Variants in SNX4 observed in about 807,000 individuals in gnomAD.
The protein encoded by SNX4 is sorting nexin-4.
In SNX4, 49 loss-of-function variants were observed where a neutral mutation model predicts 70.8. That is an observed-to-expected ratio of 0.69 (90% CI 0.55 to 0.88). The LOEUF is 0.88. SNX4 is among the 40% of genes least tolerant of loss of function. The pLI is 0.00. For missense variants in SNX4, 528 were observed against 544.8 expected (o/e 0.97, Z 0.31); for synonymous variants, 206 against 183.8 (o/e 1.12, Z -0.98).
At chr3:125,492,524 C>G (rs1245030353) in intron 5 of SNX4, among the ~76,000 whole-genome samples, 1 of 152,084 alleles carries the variant, frequency 6.6e-6, no homozygotes, top group African/African-American at 2.4e-5. Context: ...AAAGGGGTCC[C>G]ATTTGGATAA....
At chr3:125,485,485 A>G (rs1053705842) in intron 6 of SNX4, among the ~76,000 whole-genome samples, 1 of 151,906 alleles carries the variant, frequency 6.6e-6, no homozygotes, top group Non-Finnish European at 1.5e-5. Context: ...TTTGGTAGAG[A>G]CAGGGTTTCA....
intron 6 of SNX4, among the ~76,000 whole-genome samples, chr3:125,483,809 A>G (rs1197331218): frequency 1.3e-5 from 2 of 152,254 alleles, no homozygotes; most frequent in African/African-American, 4.8e-5. Flanking sequence ...CAAGTCTTAG[A>G]TAACAATGTA....
At chr3:125,489,097 T>G (rs1934596924) in intron 6 of SNX4, among the ~76,000 whole-genome samples, 1 of 152,208 alleles carries the variant, frequency 6.6e-6, no homozygotes, top group Non-Finnish European at 1.5e-5. Flanking sequence ...TGTGCATATT[T>G]AACAAGCAAA....
intron 9 of SNX4, 31 bp from the exon 10 acceptor site, chr3:125,460,891 A>AAAT (rs1553725251): frequency 2.0e-5 from 22 of 1,119,160 alleles, no homozygotes; most frequent in Non-Finnish European, 2.7e-5. Context: ...CACATTGCAT[A>AAAT]GAGTTACTTT....
chr3:125,519,963 A>ACCCCC, intron 1 of SNX4, 69 bp downstream of exon 1: 4 of 671,490 alleles, frequency 6.0e-6, no homozygotes, highest in Non-Finnish European at 6.4e-6. Context: ...AGCCCAGCCC[A>ACCCCC]GCCCAGCCCA....
rs1360004552 is a variant in SNX4 at position 125,496,051 on chromosome 3, A to G, written c.597+1290T>C. The stretch of plus-strand genomic sequence containing the variant: ...GGCACAGTAAAACTAGCACTTCGGG[A>G]GGCTGAGGAGAGAGAATCGATTGAG... On this transcript the variant is annotated intron_variant, in intron 5 of 13. Coordinates refer to ENST00000251775, the MANE Select transcript of SNX4 (RefSeq NM_003794.4). 2.0e-5 allele frequency among the ~76,000 whole-genome samples: 3 copies of G among 152,178 alleles called. No homozygotes were observed. The East Asian group carries it at 5.8e-4, about 29-fold the overall frequency.
chr3:125,487,592 C>CTT (rs971556185), intron 6 of SNX4, among the ~76,000 whole-genome samples: 1 of 152,040 alleles, frequency 6.6e-6, no homozygotes, highest in Non-Finnish European at 1.5e-5. Flanking sequence ...TTTTCCAGAG[C>CTT]TTTTTTTGAG....
chr3:125,450,239 T>A (rs958007125), intron 13 of SNX4, among the ~76,000 whole-genome samples: 1 of 152,152 alleles, frequency 6.6e-6, no homozygotes, highest in Non-Finnish European at 1.5e-5. Context: ...ACAGTCACGA[T>A]CTAAACTTGT....
At chr3:125,474,732 T>C (rs1934253072) in intron 8 of SNX4, among the ~76,000 whole-genome samples, 1 of 152,246 alleles carries the variant, frequency 6.6e-6, no homozygotes, top group South Asian at 2.1e-4. Flanking sequence ...CTTTAAAGTT[T>C]GATTCAACCA....
chr3:125,472,971 C>A (rs1934211944), intron 8 of SNX4, among the ~76,000 whole-genome samples: 1 of 151,770 alleles, frequency 6.6e-6, no homozygotes, highest in Admixed American at 6.6e-5. Flanking sequence ...AGTCTTATTA[C>A]CCTTCAAAAA....
At chr3:125,463,896 T>C (rs1478217473) in intron 9 of SNX4, among the ~76,000 whole-genome samples, 1 of 151,900 alleles carries the variant, frequency 6.6e-6, no homozygotes. Flanking sequence ...CTTCACTGTC[T>C]TAATAGTGTC....
intron 1 of SNX4, among the ~76,000 whole-genome samples, chr3:125,516,817 G>C (rs1490791941): frequency 1.3e-5 from 2 of 152,106 alleles, no homozygotes; most frequent in African/African-American, 4.8e-5. Flanking sequence ...CTCCAGCTGG[G>C]GCCAAAGAGC....
chr3:125,517,145 G>C (rs1470190184), intron 1 of SNX4: 1 of 151,780 alleles, frequency 6.6e-6, no homozygotes, highest in Non-Finnish European at 1.5e-5. Context: ...TTGAAACAAT[G>C]TACAAGACTA....
chr3:125,516,740 C>T (rs1305928356), intron 1 of SNX4, among the ~76,000 whole-genome samples: 2 of 152,142 alleles, frequency 1.3e-5, no homozygotes, highest in Non-Finnish European at 2.9e-5. Context: ...ACTCGGGAGG[C>T]TGAGGCACAA....
At chr3:125,490,463 G>C (rs543161894) in intron 5 of SNX4, among the ~76,000 whole-genome samples, 279 of 147,234 alleles carry the variant, frequency 1.9e-3, no homozygotes, top group Non-Finnish European at 3.4e-3. Context: ...GGCGGAGCTT[G>C]CAGTGAGCCG....
chr3:125,517,474 CTGAG>C (rs768921094), intron 1 of SNX4, among the ~76,000 whole-genome samples: 7 of 152,214 alleles, frequency 4.6e-5, no homozygotes, highest in Non-Finnish European at 8.8e-5. Flanking sequence ...TGAAGACAGA[CTGAG>C]TGAGAGAGAG....
chr3:125,471,849 C>T lies in SNX4; in HGVS notation c.789-2330G>A, dbSNP rs1306000909. Among the ~76,000 whole-genome samples, 11 of 152,198 alleles carry T rather than the reference C, an allele frequency of 7.2e-5. 1 individual carries two copies. The highest frequency in any genetic ancestry group is 2.9e-5 in the Non-Finnish European group (2 of 68,036). On this transcript the variant is annotated intron_variant, in intron 8 of 13. Coordinates refer to ENST00000251775, the MANE Select transcript of SNX4 (RefSeq NM_003794.4). ...TCCTATAAGCCCCTATGGGGAATAGCCCTTTTTTAGGCTTATCCTAAATTG... is the reference window on the plus strand; with the variant it reads ...TCCTATAAGCCCCTATGGGGAATAGTCCTTTTTTAGGCTTATCCTAAATTG...
chr3:125,453,321 C>T (rs974568134), intron 12 of SNX4, among the ~76,000 whole-genome samples: 16 of 151,902 alleles, frequency 1.1e-4, no homozygotes, highest in African/African-American at 3.9e-4. Flanking sequence ...AACACTTCAG[C>T]TGGGTACTGA....
intron 13 of SNX4, 27 bp downstream of exon 13, chr3:125,451,278 T>A: frequency 2.0e-6 from 3 of 1,516,932 alleles, no homozygotes; most frequent in Non-Finnish European, 2.7e-6. Context: ...TATACATATA[T>A]CTTCACTGAA....
Sources: allele counts gnomAD v4.1 joint callset (sites outside exome capture counted in the v4.1 genomes callset), GRCh38; gene constraint gnomAD v4.1.1; transcripts MANE v1.5; gene names NCBI Gene and HGNC (gene_info 2026-07-23, HGNC 2026-07-21).